PLD1: variants seen among roughly 807,000 people sequenced by gnomAD.
The protein encoded by PLD1 is phospholipase D1.
In PLD1, 112 loss-of-function variants were observed where a neutral mutation model predicts 137.1. That is an observed-to-expected ratio of 0.82 (90% CI 0.70 to 0.96). PLD1 has a LOEUF of 0.96. Among genes scored for constraint, PLD1 ranks in the 40% least tolerant of loss-of-function variants. The pLI, the probability that PLD1 is intolerant of heterozygous loss-of-function variation, is 0.00. For missense variants in PLD1, 1,321 were observed against 1,342.0 expected, an observed-to-expected ratio of 0.98 and a Z score of 0.24; for synonymous variants, 431 against 454.7, an observed-to-expected ratio of 0.95 and a Z score of 0.66.
intron 21 of PLD1, chr3:171,654,291 A>G: frequency 4.0e-6 from 1 of 251,620 alleles, no homozygotes; most frequent in South Asian, 3.7e-5. Context: ...TGACAGAGCA[A>G]GACTGTCTCA....
rs191670914 is a variant in PLD1 at position 171,631,495 on chromosome 3, T to C, written c.2594-10975A>G. 3.6e-3 allele frequency among the ~76,000 whole-genome samples: 543 copies of C among 152,250 alleles called. 3 individuals carry two copies. Among genetic ancestry groups the C allele is most frequent in the Non-Finnish European group, 5.0e-3 (337 of 68,012 alleles). ...AAGGCCCAAAGTAGTGATATTCTAGTAGCAATGATCACATCTAGCACCCAG... is the reference window on the plus strand; with the variant it reads ...AAGGCCCAAAGTAGTGATATTCTAGCAGCAATGATCACATCTAGCACCCAG... On this transcript the variant is annotated intron_variant, in intron 23 of 26. Transcript: ENST00000351298.
At chr3:171,739,452 GT>G in intron 1 of PLD1, among the ~76,000 whole-genome samples, 1 of 152,212 alleles carries the variant, frequency 6.6e-6, no homozygotes, top group East Asian at 1.9e-4. Context: ...AATCAATCAT[GT>G]TTCTTTCTCT....
intron 24 of PLD1, among the ~76,000 whole-genome samples, chr3:171,614,360 C>T (rs1056237458): frequency 6.6e-6 from 1 of 152,170 alleles, no homozygotes; most frequent in African/African-American, 2.4e-5. Context: ...GTTGCCCCAA[C>T]ATTAATTTGG....
At chr3:171,639,846 C>CTATATATATATA (rs771002250) in intron 23 of PLD1, among the ~76,000 whole-genome samples, 60 of 103,818 alleles carry the variant, frequency 5.8e-4, no homozygotes, top group African/African-American at 2.2e-3. Flanking sequence ...CTCTCTCTCT[C>CTATATATATATA]TCTATATATA....
intron 8 of PLD1, among the ~76,000 whole-genome samples, chr3:171,719,631 A>T (rs1018873810): frequency 2.6e-5 from 4 of 152,238 alleles, no homozygotes; most frequent in Non-Finnish European, 2.9e-5. Context: ...AAAAACCACA[A>T]TTACTTTTGT....
chr3:171,647,737 G>A (rs1003596042), intron 21 of PLD1, among the ~76,000 whole-genome samples: 6 of 152,168 alleles, frequency 3.9e-5, no homozygotes, highest in South Asian at 2.1e-4. Context: ...GAGCCACCGC[G>A]CCCAGCCCCC....
chr3:171,677,620 C>G lies in PLD1; in HGVS notation c.1942G>C (p.Asp648His). The G allele has an allele frequency of 6.2e-7, 1 of 1,613,982 alleles. No individual in the cohort carries two copies. The highest frequency in any genetic ancestry group is 8.5e-7 in the Non-Finnish European group (1 of 1,179,852). ...HGETRFWHGK[D>H]YCNFVFKDWV... The stretch of plus-strand genomic sequence containing the variant: ...TCTTTGAAGACGAAATTGCAGTAGT[C>G]CTTTCCATGCCAGAATCTGGTTTCC... The change falls in exon 17 of 27, where the codon GAC (aspartate) becomes CAC (histidine). Residue 648 changes from aspartate (D) to histidine (H), a missense_variant. By Grantham distance (81) the Asp-to-His change is moderately conservative. Coordinates refer to ENST00000351298, the MANE Select transcript of PLD1 (RefSeq NM_002662.5).
At chr3:171,740,472 A>C (rs777544606) in intron 1 of PLD1, among the ~76,000 whole-genome samples, 2 of 152,230 alleles carry the variant, frequency 1.3e-5, no homozygotes, top group Non-Finnish European at 2.9e-5. Context: ...TAATTTTTAA[A>C]GACTTCAGAT....
chr3:171,681,813 T>C (rs1713996163), intron 16 of PLD1, among the ~76,000 whole-genome samples: 1 of 152,194 alleles, frequency 6.6e-6, no homozygotes, highest in African/African-American at 2.4e-5. Context: ...TCCTATCCAT[T>C]GCATTCCTAA....
intron 23 of PLD1, among the ~76,000 whole-genome samples, chr3:171,622,156 T>G (rs947275791): frequency 6.6e-6 from 1 of 152,238 alleles, no homozygotes; most frequent in African/African-American, 2.4e-5. Context: ...AAAGGAATCA[T>G]GGAGCAGGAC....
At position 171,734,878 on chromosome 3, in the gene PLD1, A is replaced by G. The variant is rs1329344756; in HGVS notation, c.527T>C (p.Phe176Ser). The G allele has an allele frequency of 1.9e-6, 3 of 1,600,892 alleles. No homozygotes were observed. The highest frequency in any genetic ancestry group is 2.6e-6 in the Non-Finnish European group (3 of 1,168,102). ...SSENMIREEQ[F>S]LGRRKQLEDY... is the part of the protein sequence containing the mutation. ...GAAGAAACTTACTCTTCTACCAAGG[A>G]ATTGTTCTTCTCTTATCATGTTTTC... Residue 176 changes from phenylalanine to serine, a missense_variant, in exon 5 of 27, where the codon TTC becomes TCC. By Grantham distance (155) the Phe-to-Ser change is radical. Coordinates refer to ENST00000351298, the MANE Select transcript of PLD1 (RefSeq NM_002662.5).
At chr3:171,668,586 A>G (rs543494286) in intron 19 of PLD1, among the ~76,000 whole-genome samples, 1 of 130,052 alleles carries the variant, frequency 7.7e-6, no homozygotes, top group East Asian at 2.2e-4. Flanking sequence ...CTCCTTTCTC[A>G]TTCTTTCTTC....
chr3:171,743,018 T>G (rs1303031481), intron 1 of PLD1, among the ~76,000 whole-genome samples: 1 of 152,170 alleles, frequency 6.6e-6, no homozygotes, highest in Non-Finnish European at 1.5e-5. Context: ...AAATGAGATG[T>G]CAATGGTATA....
intron 21 of PLD1, among the ~76,000 whole-genome samples, chr3:171,650,964 A>C (rs1736697505): frequency 6.6e-6 from 1 of 152,200 alleles, no homozygotes; most frequent in African/African-American, 2.4e-5. Context: ...TACCTTTAAA[A>C]GCAGAGTACG....
chr3:171,694,190 A>C (rs1227891441), intron 12 of PLD1, among the ~76,000 whole-genome samples: 1 of 152,112 alleles, frequency 6.6e-6, no homozygotes, highest in East Asian at 1.9e-4. Context: ...TCTGGTGTGC[A>C]TTAACAAGAT....
At chr3:171,683,488 A>G (rs6794587) in intron 16 of PLD1, among the ~76,000 whole-genome samples, 71,422 of 151,510 alleles carry the variant, frequency 0.47, 17,273 homozygotes, top group African/African-American at 0.57. Flanking sequence ...CAACCCCTCT[A>G]CCTCATGGCC....
rs1711566307 is a variant in PLD1 at position 171,662,172 on chromosome 3, T to C, written c.2230-2A>G. On this transcript the variant is annotated splice_acceptor_variant, in intron 19 of 26. Transcript: ENST00000351298. LOFTEE classifies it high-confidence loss of function. ...CCAATCAGCAGCAGAGCGGAGCAAC[T>C]ACAAGGCAGCAATCAGAAATGAACA... The C allele has an allele frequency of 1.9e-6, 3 of 1,572,040 alleles. No individual in the cohort carries two copies. The African/African-American group carries it at 4.1e-5, about 21-fold the overall frequency.
At position 171,710,475 on chromosome 3, in the gene PLD1, C is replaced by T. The variant is rs143983914; in HGVS notation, c.912-766G>A. Among the ~76,000 whole-genome samples the T allele has an allele frequency of 1.4e-3, 218 of 152,254 alleles. 4 individuals carry two copies. Among genetic ancestry groups the T allele is most frequent in the African/African-American group, 4.8e-3 (198 of 41,538 alleles). On this transcript the variant is annotated intron_variant, in intron 9 of 26. Transcript: ENST00000351298. ...AGTGATATGATTCTCGTGAGGAGCG[C>T]GCAGCCGAGATCCCGCGCATGTGCA...
At chr3:171,768,284 A>T (rs896994503) in intron 1 of PLD1, among the ~76,000 whole-genome samples, 1 of 152,118 alleles carries the variant, frequency 6.6e-6, no homozygotes, top group Non-Finnish European at 1.5e-5. Flanking sequence ...ACAATCTCCC[A>T]CATTTTCTGG....
Sources: allele counts gnomAD v4.1 joint callset (sites outside exome capture counted in the v4.1 genomes callset), GRCh38; gene constraint gnomAD v4.1.1; transcripts MANE v1.5; gene names NCBI Gene and HGNC (gene_info 2026-07-23, HGNC 2026-07-21).